CELF2: variants seen among roughly 807,000 people sequenced by gnomAD.
CELF2 encodes the protein CUG triplet repeat RNA-binding protein 2.
A neutral mutation model predicts 62.6 loss-of-function variants in CELF2; 8 were observed. That is an observed-to-expected ratio of 0.13 (90% CI 0.07 to 0.23). The LOEUF (loss-of-function observed/expected upper bound fraction) is 0.23, where lower values mean the gene tolerates loss of function less well. Ranked by LOEUF, CELF2 falls within the 10% of genes least tolerant of loss-of-function variation. The pLI, the probability that CELF2 is intolerant of heterozygous loss-of-function variation, is 1.00. For missense variants in CELF2, 333 were observed against 671.0 expected (o/e 0.50, Z 5.56); for synonymous variants, 258 against 250.0 (o/e 1.03, Z -0.30).
At chr10:11,241,221 A>G (rs1273237461) in intron 3 of CELF2, among the ~76,000 whole-genome samples, 2 of 152,102 alleles carry the variant, frequency 1.3e-5, no homozygotes, top group African/African-American at 4.8e-5. Flanking sequence ...ATTTTTTGAA[A>G]CAGGGTCTTG....
At chr10:10,651,655 AG>A in the CELF2 span, among the ~76,000 whole-genome samples, 1 of 150,150 alleles carries the variant, frequency 6.7e-6, no homozygotes, top group Non-Finnish European at 1.5e-5. Context: ...CCTGCAGCTG[AG>A]GGTCCTGTCT....
At chr10:10,879,050 C>T (rs901503295) in intron 1 of CELF2, among the ~76,000 whole-genome samples, 2 of 152,196 alleles carry the variant, frequency 1.3e-5, no homozygotes, top group African/African-American at 2.4e-5. Flanking sequence ...AATTACCTGT[C>T]GCTTTGTATC....
chr10:10,510,785 C>T, the CELF2 span, among the ~76,000 whole-genome samples: 2 of 152,322 alleles, frequency 1.3e-5, no homozygotes, highest in South Asian at 2.1e-4. Flanking sequence ...TTCTGGATGA[C>T]ATCCACGAAG....
chr10:11,179,659 T>A (rs1258543041), intron 2 of CELF2, among the ~76,000 whole-genome samples: 1 of 152,200 alleles, frequency 6.6e-6, no homozygotes, highest in Non-Finnish European at 1.5e-5. Context: ...AGATGACTAC[T>A]GGGGCATGAT....
chr10:10,824,788 A>AT (rs1186162259), intron 1 of CELF2, among the ~76,000 whole-genome samples: 1 of 152,214 alleles, frequency 6.6e-6, no homozygotes, highest in African/African-American at 2.4e-5. Flanking sequence ...ATAAGAACAT[A>AT]TTTAGAACAA....
At chr10:10,703,325 G>A in the CELF2 span, among the ~76,000 whole-genome samples, 1 of 152,164 alleles carries the variant, frequency 6.6e-6, no homozygotes, top group Non-Finnish European at 1.5e-5. Context: ...CAGCTAGTCC[G>A]TGTTCACTTG....
intron 1 of CELF2, among the ~76,000 whole-genome samples, chr10:11,007,515 A>C (rs1037326903): frequency 1.3e-5 from 2 of 152,206 alleles, no homozygotes; most frequent in Non-Finnish European, 2.9e-5. Flanking sequence ...TGTGCAGCAT[A>C]ATCATATTTT....
intron 1 of CELF2, among the ~76,000 whole-genome samples, chr10:11,080,048 T>C (rs1317119832): frequency 6.6e-6 from 1 of 152,234 alleles, no homozygotes; most frequent in African/African-American, 2.4e-5. Context: ...GCCATATTTA[T>C]GAGAGTCATT....
At chr10:10,666,816 C>T in the CELF2 span, among the ~76,000 whole-genome samples, 1 of 72,750 alleles carries the variant, frequency 1.4e-5, no homozygotes, top group Non-Finnish European at 2.6e-5. Context: ...GAGCCGAGAT[C>T]GCGCCACTGC....
Position 11,075,537 on chromosome 10 carries a change from G to C in CELF2, c.74+57374G>C, listed in dbSNP as rs1427170519. ...AGGTGTTTTATTCTATCTGCAAAGA[G>C]CTCTAAGAAACTCAAAAGAAGGCTG... On this transcript the variant is annotated intron_variant, in intron 1 of 12. Coordinates refer to ENST00000633077, the MANE Select transcript of CELF2 (RefSeq NM_001326342.2). The surrounding 1 kb of genome is among the most constrained non-coding windows in gnomAD (Gnocchi z 5.4). Among the ~76,000 whole-genome samples the C allele has an allele frequency of 2.0e-5, 3 of 152,144 alleles. No homozygotes were observed. Among genetic ancestry groups the C allele is most frequent in the Non-Finnish European group, 4.4e-5 (3 of 68,018 alleles).
chr10:11,086,979 C>T (rs1051552376), intron 1 of CELF2, among the ~76,000 whole-genome samples: 1 of 152,180 alleles, frequency 6.6e-6, no homozygotes, highest in Non-Finnish European at 1.5e-5. Context: ...GAGACATTCA[C>T]TGGCTTGTGT....
At chr10:10,912,673 G>A (rs2063920459) in intron 1 of CELF2, among the ~76,000 whole-genome samples, 1 of 152,118 alleles carries the variant, frequency 6.6e-6, no homozygotes, top group Non-Finnish European at 1.5e-5. Flanking sequence ...CAGCCAACGG[G>A]GCTTTTTTTG....
rs1475095435 is a variant in CELF2 at position 10,993,694 on chromosome 10, T to A, written c.89+73695T>A. Among the ~76,000 whole-genome samples the A allele has an allele frequency of 6.6e-6, 1 of 152,210 alleles. No homozygotes were observed. Among genetic ancestry groups the A allele is most frequent in the African/African-American group, 2.4e-5 (1 of 41,452 alleles). On this transcript the variant is annotated intron_variant, in intron 2 of 13. Transcript: ENST00000636488. This position sits in a 1 kb window ranked among gnomAD's most constrained non-coding sequence, Gnocchi z 5.3. ...TGATTCTAATGGGGTATTAGAGAAC[T>A]GGAGGACAGTCCTGGATTGGATGTT...
chr10:11,002,806 G>T (rs1564342096), upstream of CELF2, among the ~76,000 whole-genome samples: 2 of 151,928 alleles, frequency 1.3e-5, no homozygotes, highest in Non-Finnish European at 2.9e-5. This position sits in a 1 kb window ranked among gnomAD's most constrained non-coding sequence, Gnocchi z 4.4. Context: ...AAACGTCAAG[G>T]TTATTTTTTT....
chr10:11,209,670 T>C (rs1448602228), intron 2 of CELF2, among the ~76,000 whole-genome samples: 1 of 149,924 alleles, frequency 6.7e-6, no homozygotes, highest in African/African-American at 2.5e-5. Flanking sequence ...TTGTAGAAAG[T>C]GAAAGTAGGG....
the CELF2 span, among the ~76,000 whole-genome samples, chr10:10,760,020 T>C: frequency 1.3e-5 from 2 of 152,216 alleles, no homozygotes; most frequent in South Asian, 4.1e-4. Context: ...TTCTCCTGCC[T>C]CACCCTCCTG....
intron 2 of CELF2, among the ~76,000 whole-genome samples, chr10:11,181,874 T>C (rs11257006): frequency 0.22 from 33,324 of 152,120 alleles, 3,772 homozygotes; most frequent in East Asian, 0.31. Context: ...CACCAGCCTG[T>C]ATCCTGCCTT....
At chr10:10,665,508 G>T in the CELF2 span, among the ~76,000 whole-genome samples, 2 of 152,094 alleles carry the variant, frequency 1.3e-5, no homozygotes, top group African/African-American at 4.8e-5. Context: ...ACCGTGCAGG[G>T]TAGGCTGCCT....
intron 1 of CELF2, among the ~76,000 whole-genome samples, chr10:10,917,291 C>T (rs976694538): frequency 3.3e-5 from 5 of 152,132 alleles, no homozygotes; most frequent in Admixed American, 3.3e-4. Context: ...GCTTTTGAAA[C>T]AGAGGTCAAT....
Sources: gnomAD v4.1 joint callset for allele counts (sites outside exome capture counted in the v4.1 genomes callset) on GRCh38, gnomAD v4.1.1 for gene constraint, Gnocchi (gnomAD v3.1) non-coding constraint, MANE v1.5 for transcripts, NCBI Gene and HGNC (gene_info 2026-07-23, HGNC 2026-07-21) for gene names.